The following SEZ6L variants were observed in gnomAD, a reference collection of about 807,000 sequenced individuals.
SEZ6L encodes seizure related 6 homolog like.
SEZ6L carries 37 observed loss-of-function variants against 106.2 expected under a neutral mutation model. The observed-to-expected ratio is 0.35, with a 90% CI of 0.27 to 0.46. SEZ6L has a LOEUF of 0.46. Ranked by LOEUF, SEZ6L falls within the 20% of genes least tolerant of loss-of-function variation. The probability of loss-of-function intolerance (pLI) is 1.00; values close to 1 mark genes in which losing one functional copy is unlikely to be tolerated. For synonymous variants in SEZ6L, 541 were observed against 570.4 expected, an observed-to-expected ratio of 0.95 and a Z score of 0.73; for missense variants, 1,172 against 1,332.8, an observed-to-expected ratio of 0.88 and a Z score of 1.88.
intron 1 of SEZ6L, among the ~76,000 whole-genome samples, chr22:26,258,529 A>C (rs1211067976): frequency 6.6e-6 from 1 of 152,222 alleles, no homozygotes; most frequent in Non-Finnish European, 1.5e-5. Flanking sequence ...TTAAAATGGC[A>C]CCATGTTGAG....
intron 12 of SEZ6L, among the ~76,000 whole-genome samples, chr22:26,352,622 T>A (rs1424861611): frequency 2.6e-5 from 4 of 152,206 alleles, no homozygotes; most frequent in Non-Finnish European, 5.9e-5. Context: ...ACTCTACGAT[T>A]TAGACGAGCA....
intron 1 of SEZ6L, among the ~76,000 whole-genome samples, chr22:26,277,065 C>A (rs543583771): frequency 6.6e-6 from 1 of 150,404 alleles, no homozygotes; most frequent in Non-Finnish European, 1.5e-5. Flanking sequence ...TCACAGAAGA[C>A]GATTATCCGA....
At chr22:26,325,491 G>A (rs980198266) in intron 9 of SEZ6L, among the ~76,000 whole-genome samples, 1 of 152,232 alleles carries the variant, frequency 6.6e-6, no homozygotes, top group Admixed American at 6.5e-5. Context: ...TAAGAGACAA[G>A]ATTTGCACCT....
intron 1 of SEZ6L, among the ~76,000 whole-genome samples, chr22:26,182,700 G>C (rs898869485): frequency 1.3e-5 from 2 of 151,876 alleles, no homozygotes; most frequent in African/African-American, 4.8e-5. Context: ...ATTCAACGAG[G>C]AGCATTGACT....
chr22:26,177,994 G>C lies in SEZ6L; in HGVS notation c.94+8231G>C, dbSNP rs139785026. ...CATGTCTTCTGACTCCCATGCTAAAGTGACTTCCACCTACTTTCAAGAAAA... is the reference window on the plus strand; with the variant it reads ...CATGTCTTCTGACTCCCATGCTAAACTGACTTCCACCTACTTTCAAGAAAA... On this transcript the variant is annotated intron_variant, in intron 1 of 16. Transcript: ENST00000248933. Among the ~76,000 whole-genome samples the C allele has an allele frequency of 1.2e-3, 183 of 152,314 alleles. 4 individuals are homozygous for C. The East Asian group carries it at 0.033, about 27-fold the overall frequency.
chr22:26,316,892 GAGAA>G (rs142778378), intron 9 of SEZ6L, among the ~76,000 whole-genome samples: 1 of 103,678 alleles, frequency 9.6e-6, no homozygotes, highest in Non-Finnish European at 2.0e-5. Context: ...AAGAAAGAAA[GAGAA>G]AGAAAGAAGA....
chr22:26,364,819 G>T (rs945156028), intron 12 of SEZ6L: 3 of 154,024 alleles, frequency 1.9e-5, no homozygotes, highest in African/African-American at 7.2e-5. Context: ...ATCAAGGAAG[G>T]CTTCCTGGAG....
At chr22:26,186,782 C>A (rs1939810527) in intron 1 of SEZ6L, among the ~76,000 whole-genome samples, 1 of 152,118 alleles carries the variant, frequency 6.6e-6, no homozygotes, top group African/African-American at 2.4e-5. Flanking sequence ...AAAGTTTGAT[C>A]AAGCAGAGAA....
intron 13 of SEZ6L, among the ~76,000 whole-genome samples, chr22:26,371,405 A>G (rs570559496): frequency 5.9e-5 from 9 of 152,310 alleles, no homozygotes; most frequent in Admixed American, 3.9e-4. Flanking sequence ...CCTCCTCGCC[A>G]GCACTGTATG....
In SEZ6L at chr22:26,373,498, GAAAA is replaced by G; in HGVS notation, c.2827+24_2827+27del. ...TGCTTTAGAAGGTGAGTTCCAGAAC[GAAAA>G]AAAAAAAAGTTCAATAAATCAAACT... On this transcript the variant is annotated intron_variant, in intron 14 of 16. Transcript: ENST00000248933. The G allele has an allele frequency of 7.4e-7, 1 of 1,351,882 alleles. No homozygotes were observed. Among genetic ancestry groups the G allele is most frequent in the Non-Finnish European group, 1.0e-6 (1 of 998,992 alleles). 83.7% of individuals were successfully genotyped at this position (1,351,882 alleles called of 1,614,324 possible).
At chr22:26,186,504 T>G in intron 1 of SEZ6L, among the ~76,000 whole-genome samples, 1 of 151,086 alleles carries the variant, frequency 6.6e-6, no homozygotes, top group Non-Finnish European at 1.5e-5. Context: ...GGTGGGGAGG[T>G]TAGTGGATGG....
intron 1 of SEZ6L, among the ~76,000 whole-genome samples, chr22:26,256,179 G>C (rs190447875): frequency 6.6e-6 from 1 of 152,334 alleles, no homozygotes; most frequent in South Asian, 2.1e-4. Flanking sequence ...AAATGCGTAA[G>C]AGACTAGGTA....
At chr22:26,378,039 A>T (rs1452429829) in intron 16 of SEZ6L, among the ~76,000 whole-genome samples, 1 of 152,192 alleles carries the variant, frequency 6.6e-6, no homozygotes, top group Non-Finnish European at 1.5e-5. Flanking sequence ...CAAGACCCAC[A>T]GAGAGCAGAC....
chr22:26,215,976 G>A (rs978019429), intron 1 of SEZ6L, among the ~76,000 whole-genome samples: 5 of 152,180 alleles, frequency 3.3e-5, no homozygotes, highest in South Asian at 2.1e-4. Context: ...CAGAGGTCCC[G>A]GATGCTCCTT....
At chr22:26,369,563 A>T (rs2083951579) in intron 13 of SEZ6L, among the ~76,000 whole-genome samples, 4 of 151,386 alleles carry the variant, frequency 2.6e-5, no homozygotes, top group Non-Finnish European at 5.9e-5. Flanking sequence ...GATGGTCTCG[A>T]TCTCCTGACC....
rs150986509 is a variant in SEZ6L, at chr22:26,366,025, A to G, written c.2794+459A>G. On this transcript the variant is annotated intron_variant, in intron 13 of 16. Coordinates refer to ENST00000248933, the MANE Select transcript of SEZ6L (RefSeq NM_021115.5). ...TGTCTTCTCCTGGCTTAGCATTTTTATTTTTACTTACTAAAGGAGCTTTTG... is the reference window on the plus strand; with the variant it reads ...TGTCTTCTCCTGGCTTAGCATTTTTGTTTTTACTTACTAAAGGAGCTTTTG... Among the ~76,000 whole-genome samples, 863 of 152,252 alleles carry G rather than the reference A, an allele frequency of 5.7e-3. 9 individuals carry two copies. The highest frequency in any genetic ancestry group is 0.02 in the African/African-American group (812 of 41,546).
intron 1 of SEZ6L, among the ~76,000 whole-genome samples, chr22:26,254,935 C>T (rs1402208891): frequency 6.6e-6 from 1 of 152,112 alleles, no homozygotes; most frequent in African/African-American, 2.4e-5. Flanking sequence ...TGTTTCCTGT[C>T]CTCAGAATTC....
At chr22:26,324,708 C>T (rs1455360476) in intron 9 of SEZ6L, among the ~76,000 whole-genome samples, 2 of 152,160 alleles carry the variant, frequency 1.3e-5, no homozygotes, top group African/African-American at 2.4e-5. Flanking sequence ...GACAGGATTT[C>T]CCTGGAGCCA....
chr22:26,292,042 T>C (rs374535667), intron 1 of SEZ6L, among the ~76,000 whole-genome samples: 1 of 61,916 alleles, frequency 1.6e-5, no homozygotes, highest in South Asian at 3.9e-4. Flanking sequence ...GAAGGATGGA[T>C]GGAAGGAAAG....
Sources: gnomAD v4.1 joint callset for allele counts (sites outside exome capture counted in the v4.1 genomes callset) on GRCh38, gnomAD v4.1.1 for gene constraint, MANE v1.5 for transcripts, NCBI Gene and HGNC (gene_info 2026-07-23, HGNC 2026-07-21) for gene names.